FMNL2: variants seen among roughly 807,000 people sequenced by gnomAD.
FMNL2 encodes the protein formin like 2.
FMNL2 carries 51 observed loss-of-function variants against 130.2 expected under a neutral mutation model. The observed-to-expected ratio is 0.39, with a 90% CI of 0.31 to 0.49. The LOEUF is 0.49. Among genes scored for constraint, FMNL2 ranks in the 20% least tolerant of loss-of-function variants. The pLI, the probability that FMNL2 is intolerant of heterozygous loss-of-function variation, is 0.85. For missense variants in FMNL2, 977 were observed against 1,316.2 expected (o/e 0.74, Z 3.99); for synonymous variants, 465 against 467.1 (o/e 1.00, Z 0.06).
intron 2 of FMNL2, 48 bp from the exon 3 acceptor site, chr2:152,542,691 G>T: frequency 6.3e-7 from 1 of 1,592,360 alleles, no homozygotes; most frequent in Non-Finnish European, 8.6e-7. Context: ...GGCTGACTGT[G>T]TCATGGCTTC....
chr2:152,622,773 C>T (rs896166405), intron 15 of FMNL2, among the ~76,000 whole-genome samples: 1 of 150,496 alleles, frequency 6.6e-6, no homozygotes, highest in Non-Finnish European at 1.5e-5. Context: ...AGCAGACATC[C>T]TGGATTCATA....
At chr2:152,478,973 A>G (rs1056360472) in intron 1 of FMNL2, among the ~76,000 whole-genome samples, 2 of 152,208 alleles carry the variant, frequency 1.3e-5, no homozygotes, top group Admixed American at 6.5e-5. Context: ...AGAATAACAA[A>G]TAAGTTCTGA....
At chr2:152,455,555 C>T (rs1688900697) in intron 1 of FMNL2, among the ~76,000 whole-genome samples, 1 of 152,120 alleles carries the variant, frequency 6.6e-6, no homozygotes, top group Non-Finnish European at 1.5e-5. Flanking sequence ...GTTTACTGAG[C>T]ACCTACCACA....
intron 4 of FMNL2, among the ~76,000 whole-genome samples, chr2:152,551,765 C>T (rs1694948671): frequency 6.6e-6 from 1 of 152,156 alleles, no homozygotes; most frequent in Admixed American, 6.5e-5. Context: ...CCTGTATTCC[C>T]AGTACTTTGG....
intron 1 of FMNL2, among the ~76,000 whole-genome samples, chr2:152,467,804 GCAA>G (rs1424692861): frequency 6.6e-6 from 1 of 152,178 alleles, no homozygotes; most frequent in Non-Finnish European, 1.5e-5. Context: ...GTTGATGCAA[GCAA>G]CAACATTTGT....
At chr2:152,582,565 T>G (rs958227212) in intron 9 of FMNL2, among the ~76,000 whole-genome samples, 2 of 152,194 alleles carry the variant, frequency 1.3e-5, no homozygotes, top group Non-Finnish European at 2.9e-5. Flanking sequence ...TGAAGAAGAA[T>G]AATAGTGAAT....
At chr2:152,590,393 G>A (rs749387338) in intron 9 of FMNL2, among the ~76,000 whole-genome samples, 22 of 152,156 alleles carry the variant, frequency 1.4e-4, no homozygotes, top group South Asian at 2.1e-4. Context: ...CAAGGCAGGC[G>A]GATCACCTGA....
At chr2:152,407,128 T>C (rs1686024296) in intron 1 of FMNL2, among the ~76,000 whole-genome samples, 1 of 152,186 alleles carries the variant, frequency 6.6e-6, no homozygotes, top group African/African-American at 2.4e-5. Flanking sequence ...TGAGTGTTTG[T>C]CATTATACTT....
intron 4 of FMNL2, among the ~76,000 whole-genome samples, chr2:152,557,624 A>G (rs541039182): frequency 6.6e-6 from 1 of 152,316 alleles, no homozygotes; most frequent in African/African-American, 2.4e-5. Flanking sequence ...TCCTGATTCC[A>G]TGGGATTGTT....
At chr2:152,369,618 A>G (rs1350199658) in intron 1 of FMNL2, among the ~76,000 whole-genome samples, 2 of 152,356 alleles carry the variant, frequency 1.3e-5, no homozygotes, top group African/African-American at 4.8e-5. Context: ...TGTCTAGGCC[A>G]CTGACACATG....
chr2:152,567,452 C>T (rs778779123), intron 6 of FMNL2, among the ~76,000 whole-genome samples: 1 of 152,156 alleles, frequency 6.6e-6, no homozygotes, highest in Admixed American at 6.5e-5. Flanking sequence ...CCCTCTTTCT[C>T]TTCTTGATCC....
intron 1 of FMNL2, among the ~76,000 whole-genome samples, chr2:152,499,668 G>A (rs1280442474): frequency 6.6e-6 from 1 of 152,192 alleles, no homozygotes; most frequent in East Asian, 1.9e-4. Context: ...ATATGAGAAA[G>A]CTTGTGTGTG....
chr2:152,530,447 C>G (rs1406078903), intron 2 of FMNL2, among the ~76,000 whole-genome samples: 2 of 152,086 alleles, frequency 1.3e-5, no homozygotes, highest in Non-Finnish European at 2.9e-5. Flanking sequence ...TCTACTGATG[C>G]CTGATTCTGA....
chr2:152,574,434 C>CAA (rs57776446), intron 6 of FMNL2, among the ~76,000 whole-genome samples: 2,115 of 106,846 alleles, frequency 0.02, 82 homozygotes, highest in African/African-American at 0.06. Context: ...GACTCTGTCT[C>CAA]AAAAAAAAAA....
intron 25 of FMNL2, chr2:152,645,550 C>G: frequency 8.0e-7 from 1 of 1,251,306 alleles, no homozygotes; most frequent in Non-Finnish European, 1.0e-6. Flanking sequence ...TTTTACTTAG[C>G]TTCCTCCTCT....
rs1422489146 is a variant in FMNL2 at position 152,578,979 on chromosome 2, T to C, written c.782+15T>C. ...AAGAATCCCAGGTAAGCTGCTTTTG[T>C]AGTACGCAAGTCTAAATCTATCTAG... On this transcript the variant is annotated intron_variant, in intron 8 of 25. Transcript: ENST00000288670. The C allele has an allele frequency of 6.2e-7, 1 of 1,606,512 alleles. No individual in the cohort carries two copies. The highest frequency in any genetic ancestry group is 8.5e-7 in the Non-Finnish European group (1 of 1,174,406).
rs183304009 is a variant in FMNL2, at chr2:152,341,552, C to T, written c.117+5832C>T. ...GACCTAGTTTCTAGAATCATATTTG[C>T]TGCACCAACTTGGACAAGTGAAACT... On this transcript the variant is annotated intron_variant, in intron 1 of 25. Coordinates refer to ENST00000288670, the MANE Select transcript of FMNL2 (RefSeq NM_052905.4). Among the ~76,000 whole-genome samples, 515 of 152,314 alleles carry T rather than the reference C, an allele frequency of 3.4e-3. 3 individuals are homozygous for T. The highest frequency in any genetic ancestry group is 0.012 in the African/African-American group (497 of 41,558).
At chr2:152,634,115 A>G (rs139230236) in intron 21 of FMNL2, among the ~76,000 whole-genome samples, 1,700 of 152,304 alleles carry the variant, frequency 0.011, 27 homozygotes, top group African/African-American at 0.039. Flanking sequence ...TGGACCGTGA[A>G]TTATCAATCA....
chr2:152,584,440 T>C (rs1696954525), intron 9 of FMNL2, among the ~76,000 whole-genome samples: 1 of 152,218 alleles, frequency 6.6e-6, no homozygotes, highest in African/African-American at 2.4e-5. Context: ...AGGATTATCT[T>C]TGTTTTTATT....
Sources: allele counts gnomAD v4.1 joint callset (sites outside exome capture counted in the v4.1 genomes callset), GRCh38; gene constraint gnomAD v4.1.1; transcripts MANE v1.5; gene names NCBI Gene and HGNC (gene_info 2026-07-23, HGNC 2026-07-21).